Variants in TLN2 observed in about 807,000 individuals in gnomAD.
The protein encoded by TLN2 is talin-2.
In TLN2, 118 loss-of-function variants were observed where a neutral mutation model predicts 294.7. The observed-to-expected ratio is 0.40, with a 90% CI of 0.34 to 0.47. The LOEUF (loss-of-function observed/expected upper bound fraction) is 0.47. Ranked by LOEUF, TLN2 falls within the 20% of genes least tolerant of loss-of-function variation. The probability of loss-of-function intolerance (pLI) is 0.84; values close to 1 mark genes in which losing one functional copy is unlikely to be tolerated. For synonymous variants in TLN2, 1,431 were observed against 1,304.5 expected (o/e 1.10, Z -2.09); for missense variants, 3,083 against 3,282.2 (o/e 0.94, Z 1.48).
At chr15:62,439,603 G>A (rs1363727071) in intron 1 of TLN2, among the ~76,000 whole-genome samples, 1 of 152,126 alleles carries the variant, frequency 6.6e-6, no homozygotes, top group Admixed American at 6.6e-5. Flanking sequence ...GTGAGCCACC[G>A]TGCGCCTATC....
chr15:62,644,888 T>C (rs2051647210), intron 3 of TLN2: 1 of 296,664 alleles, frequency 3.4e-6, no homozygotes, highest in Non-Finnish European at 6.5e-6. Context: ...GTTTTTAGCC[T>C]GGGAAGGGCA....
intron 11 of TLN2, among the ~76,000 whole-genome samples, chr15:62,677,602 G>A (rs1360159872): frequency 6.6e-6 from 1 of 152,118 alleles, no homozygotes; most frequent in Non-Finnish European, 1.5e-5. Context: ...GCAGGGTCTT[G>A]CAGGTTTGAT....
intron 1 of TLN2, among the ~76,000 whole-genome samples, chr15:62,442,070 A>C (rs191593228): frequency 1.3e-5 from 2 of 152,146 alleles, no homozygotes; most frequent in African/African-American, 4.8e-5. Context: ...GGATGGGGTC[A>C]TGGGAACCCT....
chr15:62,708,715 G>C lies in TLN2; in HGVS notation c.2386G>C (p.Glu796Gln). ...QHVRQFASRG[E>Q]PIGRYDQATD... ...TGTGCGGCAGTTTGCCAGCCGAGGC[G>C]AGCCCATCGGCCGCTACGACCAGGC... The change falls in exon 21 of 59, where the codon GAG becomes CAG. Residue 796 changes from glutamate to glutamine, a missense_variant. Transcript: ENST00000636159. 1 of 1,613,268 alleles carries C rather than the reference G, an allele frequency of 6.2e-7. No individual in the cohort carries two copies. The highest frequency in any genetic ancestry group is 2.2e-5 in the East Asian group (1 of 44,874).
chr15:62,430,243 T>C (rs1163736537), intron 1 of TLN2, among the ~76,000 whole-genome samples: 1 of 152,192 alleles, frequency 6.6e-6, no homozygotes, highest in Non-Finnish European at 1.5e-5. Flanking sequence ...AACATACCAG[T>C]GTCTAGAAAG....
At chr15:62,550,502 A>G (rs1335105918) in intron 1 of TLN2, among the ~76,000 whole-genome samples, 2 of 152,328 alleles carry the variant, frequency 1.3e-5, no homozygotes, top group Non-Finnish European at 1.5e-5. Context: ...TTGATTCATT[A>G]TTTAAAAATA....
intron 1 of TLN2, among the ~76,000 whole-genome samples, chr15:62,480,694 G>T (rs928489336): frequency 6.6e-6 from 1 of 152,104 alleles, no homozygotes; most frequent in Admixed American, 6.6e-5. Flanking sequence ...CAGTCTTCTG[G>T]TCCTGCGTTG....
At chr15:62,717,529 T>G in intron 23 of TLN2, 47 bp from the exon 24 acceptor site, 1 of 1,310,280 alleles carries the variant, frequency 7.6e-7, no homozygotes, top group African/African-American at 1.4e-5. Context: ...AGAACATGCA[T>G]GTATATTGCA....
Position 62,612,153 on chromosome 15 carries a change from T to A in TLN2, c.-161-6198T>A, listed in dbSNP as rs146642877. ...TGCTTTGCAGCCAGTATTAAATATA[T>A]GTTGATTTGTCATTGAACAATCGTC... On this transcript the variant is annotated intron_variant, in intron 2 of 58. Transcript: ENST00000636159. Among the ~76,000 whole-genome samples the A allele has an allele frequency of 1.2e-3, 190 of 152,316 alleles. 1 individual carries two copies. The highest frequency in any genetic ancestry group is 5.6e-3 in the Admixed American group (85 of 15,302).
intron 1 of TLN2, among the ~76,000 whole-genome samples, chr15:62,546,581 G>T (rs1387170696): frequency 6.6e-6 from 1 of 152,156 alleles, no homozygotes; most frequent in Non-Finnish European, 1.5e-5. Flanking sequence ...CTGAAGGTTT[G>T]TTTTTTCTAT....
chr15:62,654,210 T>A (rs1053528830), intron 7 of TLN2, among the ~76,000 whole-genome samples: 1 of 152,228 alleles, frequency 6.6e-6, no homozygotes, highest in Non-Finnish European at 1.5e-5. Flanking sequence ...TGTACAGCAT[T>A]TCATACAGTC....
intron 39 of TLN2, 177 bp from the exon 40 acceptor site, chr15:62,763,386 A>G: frequency 4.8e-6 from 3 of 620,396 alleles, no homozygotes. Flanking sequence ...GTGTTAAATT[A>G]AGGAATGCAT....
At chr15:62,661,034 T>G (rs377514351) in intron 9 of TLN2, among the ~76,000 whole-genome samples, 1 of 152,094 alleles carries the variant, frequency 6.6e-6, no homozygotes, top group Non-Finnish European at 1.5e-5. Context: ...ATTAAAGAAA[T>G]TGACAAAGTA....
At chr15:62,645,710 C>T (rs890417309) in intron 3 of TLN2, among the ~76,000 whole-genome samples, 4 of 152,142 alleles carry the variant, frequency 2.6e-5, no homozygotes, top group East Asian at 1.9e-4. Flanking sequence ...TCCCTTCTTC[C>T]GTGGGAAGAA....
At chr15:62,652,315 C>T (rs910790451) in intron 6 of TLN2, among the ~76,000 whole-genome samples, 181 bp downstream of exon 6, 3 of 152,190 alleles carry the variant, frequency 2.0e-5, no homozygotes, top group African/African-American at 7.2e-5. Flanking sequence ...AACATTTGGA[C>T]TTCTCACTAA....
intron 1 of TLN2, among the ~76,000 whole-genome samples, chr15:62,442,235 C>A (rs950818183): frequency 6.6e-6 from 1 of 151,920 alleles, no homozygotes; most frequent in African/African-American, 2.4e-5. Context: ...TTGCCTCATG[C>A]CTGTAATCCC....
At chr15:62,402,538 G>A (rs774849724) in intron 1 of TLN2, among the ~76,000 whole-genome samples, 4 of 152,010 alleles carry the variant, frequency 2.6e-5, no homozygotes, top group African/African-American at 7.3e-5. Context: ...TACTGTCCTC[G>A]GAAAGAAAAC....
intron 1 of TLN2, among the ~76,000 whole-genome samples, chr15:62,467,085 G>A (rs2037175711): frequency 6.6e-6 from 1 of 152,192 alleles, no homozygotes; most frequent in Non-Finnish European, 1.5e-5. Flanking sequence ...TTTTAAAGTT[G>A]ACCATTGCCT....
Position 62,836,072 on chromosome 15 carries a change from A to G in TLN2, c.7373A>G (p.Gln2458Arg). 6.2e-7 allele frequency: 1 copy of G among 1,607,686 alleles called. No individual in the cohort carries two copies. Among genetic ancestry groups the G allele is most frequent in the South Asian group, 1.1e-5 (1 of 89,992 alleles). The change falls in exon 57 of 59, where the codon CAG (glutamine) becomes CGG (arginine). Residue 2458 changes from glutamine (Q) to arginine (R), a missense_variant and splice_region_variant. Physicochemically the swap from Gln to Arg is conservative, Grantham distance 43. Coordinates refer to ENST00000636159, the MANE Select transcript of TLN2 (RefSeq NM_015059.3). ...GATTCAGAGGCCATGAGGCGGCTAC[A>G]GGTAATGGTCACTGATGCTGGTGGG... ...DQDSEAMRRL[Q>R]AAGNAVKRAS...
Sources: allele counts gnomAD v4.1 joint callset (sites outside exome capture counted in the v4.1 genomes callset), GRCh38; gene constraint gnomAD v4.1.1; transcripts MANE v1.5; gene names NCBI Gene and HGNC (gene_info 2026-07-23, HGNC 2026-07-21).